Variants in STRN3 observed in about 807,000 individuals in gnomAD.
STRN3 encodes the protein striatin-3.
In STRN3, 29 loss-of-function variants were observed where a neutral mutation model predicts 95.6. That is an observed-to-expected ratio of 0.30 (90% CI 0.23 to 0.41). STRN3 has a LOEUF of 0.41. Among genes scored for constraint, STRN3 ranks in the 10% least tolerant of loss-of-function variants. The probability of loss-of-function intolerance (pLI) is 1.00; values close to 1 mark genes in which losing one functional copy is unlikely to be tolerated. For missense variants in STRN3, 890 were observed against 972.1 expected (o/e 0.92, Z 1.12); for synonymous variants, 331 against 357.6 (o/e 0.93, Z 0.84).
At chr14:30,955,533 T>C in intron 3 of STRN3, 87 bp downstream of exon 3, 5 of 1,171,510 alleles carry the variant, frequency 4.3e-6, no homozygotes, top group Non-Finnish European at 5.9e-6. Context: ...TCTAATATTA[T>C]CAAACCAAAA....
intron 1 of STRN3, among the ~76,000 whole-genome samples, chr14:31,010,851 C>A (rs1267870461): frequency 1.3e-5 from 2 of 151,774 alleles, no homozygotes; most frequent in Non-Finnish European, 2.9e-5. Flanking sequence ...CCAGCCTAGC[C>A]GACATGGCGA....
At chr14:30,947,021 G>A in intron 5 of STRN3, 69 bp downstream of exon 5, 1 of 1,197,888 alleles carries the variant, frequency 8.3e-7, no homozygotes, top group Non-Finnish European at 1.1e-6. Context: ...GTAACAAGGA[G>A]CTAAAGAGAT....
chr14:30,902,171 C>CAAAAAAAAAAAAAAA (rs71112350), intron 16 of STRN3, among the ~76,000 whole-genome samples: 3 of 39,850 alleles, frequency 7.5e-5, no homozygotes, highest in African/African-American at 2.1e-4. Flanking sequence ...AACTCCGCCT[C>CAAAAAAAAAAAAAAA]AAAAAAAAAA....
intron 1 of STRN3, among the ~76,000 whole-genome samples, chr14:30,992,407 A>C (rs1022453864): frequency 1.1e-4 from 16 of 151,410 alleles, no homozygotes; most frequent in Non-Finnish European, 1.9e-4. Flanking sequence ...TCTGTCTCAA[A>C]AAAAAAAAAG....
intron 8 of STRN3, among the ~76,000 whole-genome samples, chr14:30,920,346 T>C (rs1395323249): frequency 6.6e-6 from 1 of 152,124 alleles, no homozygotes; most frequent in African/African-American, 2.4e-5. Flanking sequence ...TACCTGAGGA[T>C]TTCCCCCCCA....
chr14:30,928,261 C>T (rs539217301), intron 8 of STRN3, among the ~76,000 whole-genome samples: 5 of 152,310 alleles, frequency 3.3e-5, no homozygotes, highest in African/African-American at 1.2e-4. Context: ...CTGAAAGAAA[C>T]TCGCACACGT....
At chr14:30,954,387 T>C (rs1277095361) in intron 3 of STRN3, among the ~76,000 whole-genome samples, 1 of 152,220 alleles carries the variant, frequency 6.6e-6, no homozygotes, top group Non-Finnish European at 1.5e-5. Context: ...CAATATTTTG[T>C]ACATTTTCTT....
At chr14:30,938,461 A>G (rs1878934501) in intron 5 of STRN3, among the ~76,000 whole-genome samples, 1 of 152,222 alleles carries the variant, frequency 6.6e-6, no homozygotes, top group Non-Finnish European at 1.5e-5. Context: ...ATTTGTTTTG[A>G]ACTTTGAAAA....
chr14:30,986,234 G>C (rs1881685375), intron 1 of STRN3, among the ~76,000 whole-genome samples: 1 of 152,056 alleles, frequency 6.6e-6, no homozygotes, highest in Non-Finnish European at 1.5e-5. Context: ...AACAACCAAA[G>C]CAGATCCAAA....
At chr14:30,970,042 A>C (rs570058862) in intron 1 of STRN3, among the ~76,000 whole-genome samples, 29 of 152,302 alleles carry the variant, frequency 1.9e-4, no homozygotes, top group Middle Eastern at 3.4e-3. Context: ...ACCAAACCAA[A>C]GCTAAGAAAA....
intron 9 of STRN3, among the ~76,000 whole-genome samples, chr14:30,917,646 A>G (rs1896774988): frequency 6.6e-6 from 1 of 152,004 alleles, no homozygotes; most frequent in Admixed American, 6.5e-5. Flanking sequence ...GAGATCTGAA[A>G]AAATTAACAG....
chr14:30,898,011 AG>A (rs1896203941), intron 16 of STRN3, among the ~76,000 whole-genome samples: 1 of 152,164 alleles, frequency 6.6e-6, no homozygotes, highest in African/African-American at 2.4e-5. Context: ...TGTATTTTTG[AG>A]ACAGGGCCTT....
chr14:30,913,479 C>G (rs773167269), intron 10 of STRN3, 45 bp downstream of exon 10: 2 of 1,506,982 alleles, frequency 1.3e-6, no homozygotes, highest in Non-Finnish European at 1.8e-6. Flanking sequence ...AAATAAGGAG[C>G]CTTCTATTAA....
At chr14:30,998,137 C>A (rs927794471) in intron 1 of STRN3, among the ~76,000 whole-genome samples, 1 of 152,182 alleles carries the variant, frequency 6.6e-6, no homozygotes, top group Non-Finnish European at 1.5e-5. Context: ...CCTTCAAAGT[C>A]CCATCCCTAA....
chr14:30,910,072 T>G (rs563827623), intron 13 of STRN3, among the ~76,000 whole-genome samples: 5 of 152,248 alleles, frequency 3.3e-5, no homozygotes, highest in South Asian at 4.1e-4. Flanking sequence ...CGCCCCCAAT[T>G]TATTCTTCTC....
At chr14:30,919,914 A>AT (rs1896838811) in intron 8 of STRN3, among the ~76,000 whole-genome samples, 1 of 152,186 alleles carries the variant, frequency 6.6e-6, no homozygotes, top group Non-Finnish European at 1.5e-5. Context: ...ATTTTGAACC[A>AT]TATATTTTGA....
At chr14:30,911,981 C>T (rs1414540294) in intron 11 of STRN3, 26 bp downstream of exon 11, 2 of 1,595,770 alleles carry the variant, frequency 1.3e-6, no homozygotes, top group African/African-American at 1.4e-5. Context: ...GGAAGAAATA[C>T]ACCAGGCTAA....
chr14:31,001,947 C>T (rs1006313144), intron 1 of STRN3, among the ~76,000 whole-genome samples: 1 of 151,520 alleles, frequency 6.6e-6, no homozygotes, highest in Admixed American at 6.6e-5. Flanking sequence ...AGGTGATCAC[C>T]TGAGGTCGGG....
At chr14:30,933,644 C>T (rs1033703720) in intron 7 of STRN3, among the ~76,000 whole-genome samples, 2 of 152,060 alleles carry the variant, frequency 1.3e-5, no homozygotes, top group African/African-American at 4.8e-5. Flanking sequence ...CCCTTCTAAA[C>T]CACAATCATT....
Sources: gnomAD v4.1 joint callset for allele counts (sites outside exome capture counted in the v4.1 genomes callset) on GRCh38, gnomAD v4.1.1 for gene constraint, MANE v1.5 for transcripts, NCBI Gene and HGNC (gene_info 2026-07-23, HGNC 2026-07-21) for gene names.